TRAPPC11: variants seen among roughly 807,000 people sequenced by gnomAD.
TRAPPC11 encodes trafficking protein particle complex subunit 11.
Under a neutral mutation model 151.2 loss-of-function variants are expected in TRAPPC11, and 104 were observed. The observed-to-expected ratio is 0.69, with a 90% CI of 0.59 to 0.81. The LOEUF (loss-of-function observed/expected upper bound fraction) is 0.81, where lower values mean the gene tolerates loss of function less well. TRAPPC11 is among the 30% of genes least tolerant of loss of function. The probability of loss-of-function intolerance (pLI) is 0.00; values close to 1 mark genes in which losing one functional copy is unlikely to be tolerated. For synonymous variants in TRAPPC11, 456 were observed against 472.3 expected, an observed-to-expected ratio of 0.97 and a Z score of 0.45; for missense variants, 1,230 against 1,349.6, an observed-to-expected ratio of 0.91 and a Z score of 1.39.
intron 7 of TRAPPC11, among the ~76,000 whole-genome samples, chr4:183,676,554 A>G (rs950086671): frequency 6.6e-5 from 10 of 152,250 alleles, no homozygotes; most frequent in Admixed American, 4.6e-4. Context: ...GTTATGAACA[A>G]ACTTTTTCTA....
intron 19 of TRAPPC11, 130 bp from the exon 20 acceptor site, chr4:183,692,830 A>G (rs984189361): frequency 1.3e-6 from 1 of 748,396 alleles, no homozygotes; most frequent in Admixed American, 3.2e-5. Flanking sequence ...AGGTGTTCTC[A>G]CTTCTGTCAC....
At chr4:183,679,533 GTAT>G (rs777779150) in intron 9 of TRAPPC11, 47 bp downstream of exon 9, 9 of 1,498,848 alleles carry the variant, frequency 6.0e-6, no homozygotes, top group Non-Finnish European at 7.2e-6. Context: ...ATGATACATA[GTAT>G]TTGGAGAAAT....
chr4:183,665,311 G>C (rs1366136109), intron 2 of TRAPPC11, among the ~76,000 whole-genome samples: 1 of 151,988 alleles, frequency 6.6e-6, no homozygotes, highest in South Asian at 2.1e-4. Context: ...AGCCAGGATG[G>C]TCTCGATCTC....
intron 25 of TRAPPC11, among the ~76,000 whole-genome samples, chr4:183,700,314 G>T (rs942723210): frequency 4.6e-5 from 7 of 152,166 alleles, no homozygotes; most frequent in African/African-American, 1.7e-4. Context: ...TTAAAGCAAA[G>T]GTTGATCCAG....
intron 9 of TRAPPC11, 147 bp from the exon 10 acceptor site, chr4:183,679,973 C>T (rs571923146): frequency 1.5e-6 from 1 of 653,818 alleles, no homozygotes; most frequent in Non-Finnish European, 2.5e-6. Flanking sequence ...TTAATATTTA[C>T]AAAGAAATTA....
chr4:183,705,194 A>G, intron 27 of TRAPPC11, 124 bp downstream of exon 27: 1 of 626,066 alleles, frequency 1.6e-6, no homozygotes, highest in Non-Finnish European at 2.8e-6. Flanking sequence ...AAAGTAGCTT[A>G]TGGCCAGTCT....
chr4:183,666,321 T>C lies in TRAPPC11; in HGVS notation c.269T>C (p.Leu90Pro). The change falls in exon 3 of 30, where the codon CTG becomes CCG. Residue 90 changes from leucine to proline, a missense_variant. Physicochemically the swap from Leu to Pro is moderately conservative, Grantham distance 98 (BLOSUM62 -3). Coordinates refer to ENST00000334690, the MANE Select transcript of TRAPPC11 (RefSeq NM_021942.6). ...ILKTGWMNKH[L>P]NLVPALVVVF... ...AAGACTGGCTGGATGAATAAGCATC[T>C]GAATCTGGTGCCAGCCCTGGTGGTT... 6.2e-7 allele frequency: 1 copy of C among 1,614,186 alleles called. No homozygotes were observed. Among genetic ancestry groups the C allele is most frequent in the Non-Finnish European group, 8.5e-7 (1 of 1,180,004 alleles).
chr4:183,673,615 G>A (rs1735263456), intron 5 of TRAPPC11, among the ~76,000 whole-genome samples: 1 of 152,114 alleles, frequency 6.6e-6, no homozygotes, highest in Admixed American at 6.5e-5. Context: ...CTGAGGCTGT[G>A]GTGAGACTTG....
chr4:183,695,687 G>A (rs1324897500), intron 23 of TRAPPC11, among the ~76,000 whole-genome samples: 1 of 152,168 alleles, frequency 6.6e-6, no homozygotes, highest in Non-Finnish European at 1.5e-5. Context: ...CCCAGCAGAG[G>A]AGAAGGCCTA....
intron 25 of TRAPPC11, among the ~76,000 whole-genome samples, chr4:183,698,828 G>C (rs746849657): frequency 3.9e-5 from 6 of 152,110 alleles, no homozygotes; most frequent in Non-Finnish European, 7.4e-5. Flanking sequence ...TGGTTGTAAG[G>C]GTTGTTGTAC....
chr4:183,691,966 T>G (rs1163050241), intron 19 of TRAPPC11, among the ~76,000 whole-genome samples: 2 of 152,192 alleles, frequency 1.3e-5, no homozygotes, highest in African/African-American at 4.8e-5. Context: ...TTGAAATGCC[T>G]TTTAGAAATA....
At chr4:183,684,466 T>G in intron 14 of TRAPPC11, 107 bp downstream of exon 14, 2 of 1,160,824 alleles carry the variant, frequency 1.7e-6, no homozygotes, top group Non-Finnish European at 2.5e-6. Context: ...TTATTTCTAT[T>G]GTTGTTAAAC....
intron 1 of TRAPPC11, among the ~76,000 whole-genome samples, chr4:183,661,358 T>G (rs1734504681): frequency 7.2e-6 from 1 of 139,594 alleles, no homozygotes; most frequent in Non-Finnish European, 1.5e-5. Flanking sequence ...TGGTGTAGAT[T>G]ACCTTTTTTT....
rs755607498 is a variant in TRAPPC11 at position 183,667,991 on chromosome 4, G to T, written c.446-12G>T. The T allele has an allele frequency of 6.9e-7, 1 of 1,453,524 alleles. No individual in the cohort carries two copies. The allele number at this position is 1,453,524 out of a possible 1,614,324, so 90.0% of individuals were successfully genotyped here. ...TTTATTTCTCATTCATCTTGATGGG[G>T]ATTATCAACAGGAGAAGATGTCATT... On this transcript the variant is annotated splice_polypyrimidine_tract_variant and intron_variant, in intron 4 of 29. Coordinates refer to ENST00000334690, the MANE Select transcript of TRAPPC11 (RefSeq NM_021942.6).
intron 5 of TRAPPC11, among the ~76,000 whole-genome samples, chr4:183,670,977 G>C (rs377728444): frequency 6.6e-6 from 1 of 151,928 alleles, no homozygotes; most frequent in Non-Finnish European, 1.5e-5. Context: ...TGATCCACCC[G>C]TCTCAGCCTC....
At chr4:183,697,465 A>G (rs746393800) in intron 23 of TRAPPC11, 38 bp from the exon 24 acceptor site, 3 of 1,575,088 alleles carry the variant, frequency 1.9e-6, no homozygotes, top group Non-Finnish European at 2.6e-6. Flanking sequence ...AAAAAGATTT[A>G]GAAAATCCAT....
rs139648905 is a variant in TRAPPC11, at chr4:183,712,011, G to A, written c.3358-589G>A. The stretch of plus-strand genomic sequence containing the variant: ...GTGATGTTTTAAATTCTTTCAATCA[G>A]TGATCTTAGAGATAGGGCAGTTTTT... On this transcript the variant is annotated intron_variant, in intron 29 of 29. Transcript: ENST00000334690. Among the ~76,000 whole-genome samples, 360 of 152,248 alleles carry A rather than the reference G, an allele frequency of 2.4e-3. 1 individual carries two copies. Among genetic ancestry groups the A allele is most frequent in the African/African-American group, 8.2e-3 (341 of 41,552 alleles).
At chr4:183,663,720 G>T in intron 1 of TRAPPC11, 127 bp from the exon 2 acceptor site, 2 of 618,524 alleles carry the variant, frequency 3.2e-6, no homozygotes, top group Non-Finnish European at 5.5e-6. Context: ...TCATATATTG[G>T]AAATGAATAT....
intron 28 of TRAPPC11, among the ~76,000 whole-genome samples, chr4:183,707,609 C>T (rs904541318): frequency 6.6e-6 from 1 of 152,190 alleles, no homozygotes; most frequent in Admixed American, 6.5e-5. Context: ...AATTAGAGAA[C>T]ATATGTGTCT....
Sources: allele counts gnomAD v4.1 joint callset (sites outside exome capture counted in the v4.1 genomes callset), GRCh38; gene constraint gnomAD v4.1.1; transcripts MANE v1.5; gene names NCBI Gene and HGNC (gene_info 2026-07-23, HGNC 2026-07-21).